Variants in ZNF606 observed in about 807,000 individuals in gnomAD.
The protein encoded by ZNF606 is zinc finger protein 606, also known as zinc finger protein 328.
Under a neutral mutation model 74.9 loss-of-function variants are expected in ZNF606, and 37 were observed. The observed-to-expected ratio is 0.49, with a 90% CI of 0.38 to 0.65. The LOEUF (loss-of-function observed/expected upper bound fraction) is 0.65. Among genes scored for constraint, ZNF606 ranks in the 30% least tolerant of loss-of-function variants. The pLI, the probability that ZNF606 is intolerant of heterozygous loss-of-function variation, is 0.00. For synonymous variants in ZNF606, 328 were observed against 312.4 expected, an observed-to-expected ratio of 1.05 and a Z score of -0.53; for missense variants, 852 against 952.9, an observed-to-expected ratio of 0.89 and a Z score of 1.39.
In ZNF606 at chr19:57,979,720, C is replaced by T. The variant is rs1181786624; in HGVS notation, c.960G>A (p.Lys320=). 4.3e-6 allele frequency: 7 copies of T among 1,613,262 alleles called. No individual in the cohort carries two copies. The highest frequency in any genetic ancestry group is 4.2e-6 in the Non-Finnish European group (5 of 1,179,834). Residue 320 remains lysine, a synonymous_variant, in exon 7 of 7, where the codon AAG becomes AAA. Transcript: ENST00000551380. ...IHTGEKLYEY[K]ECHQIFNQSP... is the part of the protein sequence containing the mutation. Reference sequence around the variant, plus strand: ...TCTGGTTAAAGATTTGATGGCATTCCTTATATTCATAGAGTTTTTCTCCTG... The same window carrying T: ...TCTGGTTAAAGATTTGATGGCATTCTTTATATTCATAGAGTTTTTCTCCTG...
intron 6 of ZNF606, among the ~76,000 whole-genome samples, chr19:57,984,208 A>AAG (rs1343725299): frequency 6.6e-6 from 1 of 152,252 alleles, no homozygotes; most frequent in East Asian, 1.9e-4. Context: ...GGGGACATGC[A>AAG]GAAATGCACC....
Position 57,979,419 on chromosome 19 carries a change from T to C in ZNF606, c.1261A>G (p.Thr421Ala), listed in dbSNP as rs558476543. 8.7e-6 allele frequency: 14 copies of C among 1,613,868 alleles called. No homozygotes were observed. Among genetic ancestry groups the C allele is most frequent in the African/African-American group, 1.3e-5 (1 of 74,922 alleles). Residue 421 changes from threonine (T) to alanine (A), a missense_variant, in exon 7 of 7, where the codon ACT becomes GCT. Around this residue, in one of 3 missense-constraint regions of ZNF606, gnomAD observed 545 missense variants for 542.5 expected, o/e 1.00. Coordinates refer to ENST00000551380, the MANE Select transcript of ZNF606 (RefSeq NM_001348022.3). ...TCATAGGGTTTTTCTCCAGTATGAG[T>C]TTTCTTATGTTGAATAAGGTAAGAG... ...WSSYLIQHKK[T>A]HTGEKPYECD...
At chr19:57,987,777 G>A (rs751466581) in intron 6 of ZNF606, among the ~76,000 whole-genome samples, 144 of 151,920 alleles carry the variant, frequency 9.5e-4, no homozygotes, top group South Asian at 3.3e-3. Flanking sequence ...GCAGTGAGCC[G>A]AGATCGCACC....
At position 57,979,763 on chromosome 19, in the gene ZNF606, T is replaced by G; in HGVS notation, c.917A>C (p.Asp306Ala). 1 of 1,613,482 alleles carries G rather than the reference T, an allele frequency of 6.2e-7. No individual in the cohort carries two copies. The highest frequency in any genetic ancestry group is 8.5e-7 in the Non-Finnish European group (1 of 1,179,950). Residue 306 changes from aspartate (D) to alanine (A), a missense_variant, in exon 7 of 7, where the codon GAT becomes GCT. By Grantham distance (126) the Asp-to-Ala change is moderately radical. Coordinates refer to ENST00000551380, the MANE Select transcript of ZNF606 (RefSeq NM_001348022.3). ...TTCTCCTGTGTGAATTCCTTTATGA[T>G]CACCAAAATGTATTATATGATTGAA... ...KSFNHIIHFG[D>A]HKGIHTGEKL...
chr19:58,002,427 C>T lies in ZNF606; in HGVS notation c.-83G>A, dbSNP rs960927473. ...CGCGGCCGGCGGTCCCCCTTGAAGGCGGCGCAGCAGGATCGGGGTCTGCCC... is the reference window on the plus strand; with the variant it reads ...CGCGGCCGGCGGTCCCCCTTGAAGGTGGCGCAGCAGGATCGGGGTCTGCCC... On this transcript the variant is annotated 5_prime_UTR_variant, in exon 1 of 7. Transcript: ENST00000551380. 1.5e-4 allele frequency: 70 copies of T among 455,998 alleles called. No homozygotes were observed. In the Middle Eastern group the frequency reaches 3.3e-3, roughly 21 times the overall value. The allele number at this position is 455,998 out of a possible 1,614,324, so 28.2% of individuals were successfully genotyped here.
chr19:57,988,514 T>G (rs916561690), intron 5 of ZNF606, 81 bp downstream of exon 5: 1 of 1,550,006 alleles, frequency 6.5e-7, no homozygotes, highest in African/African-American at 1.4e-5. Flanking sequence ...CCCTCGCCCC[T>G]GCAATGAGCT....
chr19:57,994,755 G>A (rs2073309084), intron 4 of ZNF606, among the ~76,000 whole-genome samples: 1 of 152,182 alleles, frequency 6.6e-6, no homozygotes, highest in South Asian at 2.1e-4. Flanking sequence ...CCTGAGGTAA[G>A]CAAACATTTA....
At chr19:57,993,649 C>G (rs1238760702) in intron 4 of ZNF606, among the ~76,000 whole-genome samples, 1 of 152,198 alleles carries the variant, frequency 6.6e-6, no homozygotes, top group African/African-American at 2.4e-5. Flanking sequence ...TGTACTTATA[C>G]ACGGGCAAAA....
intron 4 of ZNF606, among the ~76,000 whole-genome samples, chr19:57,991,894 G>A (rs2073267357): frequency 1.3e-5 from 2 of 152,178 alleles, no homozygotes; most frequent in South Asian, 4.1e-4. Context: ...CAGCTAGGCA[G>A]CTGTGCTGAT....
rs1475129252 is a variant in ZNF606 at position 58,000,744 on chromosome 19, A to C, written c.32-5T>G. The C allele has an allele frequency of 2.3e-5, 36 of 1,597,006 alleles. No individual in the cohort carries two copies. The highest frequency in any genetic ancestry group is 1.7e-4 in the South Asian group (15 of 88,268). On this transcript the variant is annotated splice_region_variant and splice_polypyrimidine_tract_variant and intron_variant, in intron 2 of 6. Transcript: ENST00000551380. ...AAGATTGGTCCGTAAGGGCACCTGCACAGAAGGATCAGGTTAGGACTGTGA... is the reference window on the plus strand; with the variant it reads ...AAGATTGGTCCGTAAGGGCACCTGCCCAGAAGGATCAGGTTAGGACTGTGA...
chr19:57,982,952 G>T (rs886781481), intron 6 of ZNF606, among the ~76,000 whole-genome samples: 1 of 150,808 alleles, frequency 6.6e-6, no homozygotes, highest in Admixed American at 6.6e-5. Flanking sequence ...TGGCCCCCAC[G>T]ACCATTATAA....
chr19:57,991,959 G>A (rs1045771900), intron 4 of ZNF606, among the ~76,000 whole-genome samples: 8 of 152,054 alleles, frequency 5.3e-5, no homozygotes, highest in Non-Finnish European at 1.0e-4. Context: ...CCTCCCTGGG[G>A]TGGCACCTTC....
rs1259064124 is a variant in ZNF606 at position 57,977,952 on chromosome 19, T to C, written c.*349A>G. ...CAAAAACTTTTCTCTGCATAAGGTT[T>C]TTCCCTTAGCAATTCACACCAATCT... On this transcript the variant is annotated 3_prime_UTR_variant, in exon 7 of 7. Transcript: ENST00000551380. 5.7e-6 allele frequency: 1 copy of C among 176,954 alleles called. No homozygotes were observed. Among genetic ancestry groups the C allele is most frequent in the Non-Finnish European group, 1.2e-5 (1 of 84,782 alleles). 11.0% of individuals were successfully genotyped at this position (176,954 alleles called of 1,614,324 possible).
upstream of ZNF606, chr19:58,002,955 A>G: frequency 4.4e-6 from 2 of 455,894 alleles, no homozygotes; most frequent in Non-Finnish European, 4.4e-6. Context: ...CCTTTCTGGC[A>G]CCTGCGTCGA....
chr19:57,990,364 CAAAAA>C (rs557558121), intron 4 of ZNF606, among the ~76,000 whole-genome samples: 1 of 109,494 alleles, frequency 9.1e-6, no homozygotes, highest in South Asian at 4.1e-4. Context: ...GACTCTGTCT[CAAAAA>C]AAAAAAAAGA....
intron 4 of ZNF606, chr19:57,997,727 G>C (rs1259220238): frequency 6.6e-6 from 1 of 152,234 alleles, no homozygotes; most frequent in East Asian, 1.9e-4. Flanking sequence ...CTTCTTCGCA[G>C]TGTTTTATTA....
chr19:57,987,656 C>T (rs1207095993), intron 6 of ZNF606, among the ~76,000 whole-genome samples: 2 of 151,834 alleles, frequency 1.3e-5, no homozygotes, highest in African/African-American at 2.4e-5. Flanking sequence ...GGTGAAACCC[C>T]GTCTCTACTA....
At chr19:58,001,153 A>C in intron 2 of ZNF606, 136 bp downstream of exon 2, 1 of 1,009,158 alleles carries the variant, frequency 9.9e-7, no homozygotes, top group Admixed American at 2.6e-5. Context: ...CTTTACCACC[A>C]ATCAGTTCTA....
At chr19:57,986,492 T>C (rs1486587777) in intron 6 of ZNF606, among the ~76,000 whole-genome samples, 1 of 152,112 alleles carries the variant, frequency 6.6e-6, no homozygotes, top group Admixed American at 6.6e-5. Context: ...TTCCTCAGGC[T>C]GAAATGAAAG....
Sources: allele counts gnomAD v4.1 joint callset (sites outside exome capture counted in the v4.1 genomes callset), GRCh38; gene constraint gnomAD v4.1.1; regional missense constraint gnomAD v4.1.1; transcripts MANE v1.5; gene names NCBI Gene and HGNC (gene_info 2026-07-23, HGNC 2026-07-21).